Variants in CACNA1C observed in about 807,000 individuals in gnomAD.
CACNA1C encodes calcium voltage-gated channel subunit alpha1 C, also known as voltage-dependent L-type calcium channel subunit alpha-1C.
In CACNA1C, 30 loss-of-function variants were observed where a neutral mutation model predicts 229.0. That is an observed-to-expected ratio of 0.13 (90% CI 0.10 to 0.18). CACNA1C has a LOEUF of 0.18. Among genes scored for constraint, CACNA1C ranks in the 10% least tolerant of loss-of-function variants. The pLI is 1.00. For synonymous variants in CACNA1C, 1,114 were observed against 1,132.5 expected (o/e 0.98, Z 0.33); for missense variants, 1,658 against 2,845.0 (o/e 0.58, Z 9.49).
intron 3 of CACNA1C, among the ~76,000 whole-genome samples, chr12:2,162,414 A>C (rs539109216): frequency 3.9e-5 from 6 of 151,932 alleles, no homozygotes; most frequent in Admixed American, 6.6e-5. Context: ...CTGAGGGTAC[A>C]AGAGAAAGTT....
rs116299849 is a variant in CACNA1C, at chr12:2,327,324, C to G, written c.478-121652C>G. Among the ~76,000 whole-genome samples, 940 of 152,308 alleles carry G rather than the reference C, an allele frequency of 6.2e-3. 14 individuals are homozygous for G. Among genetic ancestry groups the G allele is most frequent in the African/African-American group, 0.02 (840 of 41,570 alleles). On this transcript the variant is annotated intron_variant, in intron 3 of 46. Transcript: ENST00000399655. ...ACGTATACTTCCTTTGCAGATCTTACGAAATGAAACACACTGCCAGGCATC... is the reference window on the plus strand; with the variant it reads ...ACGTATACTTCCTTTGCAGATCTTAGGAAATGAAACACACTGCCAGGCATC...
chr12:2,265,626 G>A (rs747641001), intron 3 of CACNA1C, among the ~76,000 whole-genome samples: 1 of 152,240 alleles, frequency 6.6e-6, no homozygotes, highest in Non-Finnish European at 1.5e-5. Context: ...GCAGGGTGAC[G>A]CTGTGCAGTG....
At chr12:2,214,841 C>A (rs1239246390) in intron 3 of CACNA1C, among the ~76,000 whole-genome samples, 5 of 151,348 alleles carry the variant, frequency 3.3e-5, no homozygotes, top group African/African-American at 1.2e-4. Flanking sequence ...GTTCCTTTGA[C>A]CCCATCCCTT....
rs1403920764 is a variant in CACNA1C at position 2,346,180 on chromosome 12, C to T, written c.478-102796C>T. The stretch of plus-strand genomic sequence containing the variant: ...TGGCTTGGTTGTCTGTGGGTGGAGC[C>T]GAGGAAGGCAGAGGTGTGCGTGTGT... On this transcript the variant is annotated intron_variant, in intron 3 of 46. Transcript: ENST00000399655. The surrounding 1 kb of genome is among the most constrained non-coding windows in gnomAD (Gnocchi z 4.4). Among the ~76,000 whole-genome samples, 1 of 151,822 alleles carries T rather than the reference C, an allele frequency of 6.6e-6. No individual in the cohort carries two copies. The highest frequency in any genetic ancestry group is 1.5e-5 in the Non-Finnish European group (1 of 67,952).
At chr12:2,621,240 G>C (rs2083075857) in intron 29 of CACNA1C, among the ~76,000 whole-genome samples, 1 of 152,134 alleles carries the variant, frequency 6.6e-6, no homozygotes, top group South Asian at 2.1e-4. Flanking sequence ...TGGGGTAAGG[G>C]CTGGGGTGGG....
Position 2,366,733 on chromosome 12 carries a change from G to A in CACNA1C, c.478-82243G>A, listed in dbSNP as rs552855149. ...CTCACACTGTTATAAAGAACTACCT[G>A]AGACTTAGTAATTTATGAAGAAAAG... On this transcript the variant is annotated intron_variant, in intron 3 of 46. Coordinates refer to ENST00000399655, the MANE Select transcript of CACNA1C (RefSeq NM_000719.7). 2.0e-5 allele frequency among the ~76,000 whole-genome samples: 3 copies of A among 152,290 alleles called. No individual in the cohort carries two copies. In the East Asian group the frequency reaches 5.8e-4, roughly 29 times the overall value.
At chr12:2,394,123 A>C (rs1156520641) in intron 3 of CACNA1C, among the ~76,000 whole-genome samples, 1 of 151,720 alleles carries the variant, frequency 6.6e-6, no homozygotes, top group Non-Finnish European at 1.5e-5. Flanking sequence ...AAAAAAAAAA[A>C]AAGGAAAAGG....
At position 2,088,948 on chromosome 12, in the gene CACNA1C, G is replaced by A. The variant is rs570800570; in HGVS notation, c.50-26276G>A. On this transcript the variant is annotated intron_variant, in intron 1 of 46. Transcript: ENST00000399655. ...CCGTTGATATTCTTAAATGAATCACGTTGTTAAATGCGGAGGGAGGGCTGT... is the reference window on the plus strand; with the variant it reads ...CCGTTGATATTCTTAAATGAATCACATTGTTAAATGCGGAGGGAGGGCTGT... 2.6e-4 allele frequency among the ~76,000 whole-genome samples: 40 copies of A among 152,268 alleles called. No homozygotes were observed. In the South Asian group the frequency reaches 7.5e-3, roughly 28 times the overall value.
At chr12:2,640,296 C>T (rs2093506308) in intron 30 of CACNA1C, among the ~76,000 whole-genome samples, 1 of 152,234 alleles carries the variant, frequency 6.6e-6, no homozygotes, top group Non-Finnish European at 1.5e-5. Context: ...AATCCCTGGG[C>T]CAGGCTGGCC....
chr12:2,512,320 C>T lies in CACNA1C; in HGVS notation c.1218-492C>T, dbSNP rs901762647. On this transcript the variant is annotated intron_variant, in intron 8 of 46. Transcript: ENST00000399655. This position sits in a 1 kb window ranked among gnomAD's most constrained non-coding sequence, Gnocchi z 4.3. ...AATGATTGGCTCTCAGGACCTGGGG[C>T]GAGTGAGTGGGCTTTGGTACACTGC... Among the ~76,000 whole-genome samples, 6 of 151,994 alleles carry T rather than the reference C, an allele frequency of 3.9e-5. No homozygotes were observed. Among genetic ancestry groups the T allele is most frequent in the African/African-American group, 1.2e-4 (5 of 41,356 alleles).
intron 3 of CACNA1C, among the ~76,000 whole-genome samples, chr12:2,258,189 C>G (rs150022355): frequency 2.0e-5 from 3 of 152,218 alleles, no homozygotes; most frequent in Non-Finnish European, 2.9e-5. Flanking sequence ...TTGCCAGAAG[C>G]TTTCACACAC....
chr12:2,137,159 C>T (rs970081462), intron 3 of CACNA1C, among the ~76,000 whole-genome samples: 5 of 151,288 alleles, frequency 3.3e-5, no homozygotes, highest in African/African-American at 4.8e-5. Context: ...GTGGAAACAT[C>T]GAAGAGCTAC....
chr12:2,346,021 G>T lies in CACNA1C; in HGVS notation c.478-102955G>T, dbSNP rs553617665. On this transcript the variant is annotated intron_variant, in intron 3 of 46. Transcript: ENST00000399655. This position sits in a 1 kb window ranked among gnomAD's most constrained non-coding sequence, Gnocchi z 4.4. ...CTTGGTCTGTGAAGGAACGTGGGCC[G>T]TATGGCAGTGATGGGAGGAGGCTGA... Among the ~76,000 whole-genome samples the T allele has an allele frequency of 1.3e-4, 20 of 152,282 alleles. No homozygotes were observed. The highest frequency in any genetic ancestry group is 4.8e-4 in the African/African-American group (20 of 41,560).
intron 3 of CACNA1C, among the ~76,000 whole-genome samples, chr12:2,337,035 A>G (rs774040607): frequency 2.6e-5 from 4 of 152,198 alleles, no homozygotes; most frequent in Admixed American, 2.0e-4. Flanking sequence ...CAAACAACCA[A>G]TGCATATGGG....
At chr12:2,583,112 C>T (rs903304860) in intron 15 of CACNA1C, among the ~76,000 whole-genome samples, 170 bp downstream of exon 15, 5 of 152,208 alleles carry the variant, frequency 3.3e-5, no homozygotes, top group Non-Finnish European at 5.9e-5. Context: ...GCAGCTTTGG[C>T]ATGGGTGAGG....
At chr12:2,037,992 G>A (rs2470422) in intron 1 of CACNA1C, among the ~76,000 whole-genome samples, 33,975 of 151,814 alleles carry the variant, frequency 0.22, 4,597 homozygotes, top group African/African-American at 0.38. Flanking sequence ...GCTTCTCTTC[G>A]GGACCACCGA....
chr12:2,399,104 G>A (rs901910864), intron 3 of CACNA1C, among the ~76,000 whole-genome samples: 4 of 152,170 alleles, frequency 2.6e-5, no homozygotes, highest in African/African-American at 9.7e-5. Flanking sequence ...TTGTGGGAAG[G>A]GGAGCATGCA....
At chr12:2,681,867 A>AG (rs1049902929) in intron 42 of CACNA1C, 10 of 805,656 alleles carry the variant, frequency 1.2e-5, no homozygotes, top group Non-Finnish European at 2.2e-5. Context: ...AGCAAGACAA[A>AG]GGGAGGCACT....
At chr12:1,993,233 A>T (rs755765614) in intron 1 of CACNA1C, 15 of 1,613,960 alleles carry the variant, frequency 9.3e-6, no homozygotes, top group Non-Finnish European at 1.2e-5. Context: ...CTTCAGAAGT[A>T]AAACAACCCA....
Sources: gnomAD v4.1 joint callset for allele counts (sites outside exome capture counted in the v4.1 genomes callset) on GRCh38, gnomAD v4.1.1 for gene constraint, Gnocchi (gnomAD v3.1) non-coding constraint, MANE v1.5 for transcripts, NCBI Gene and HGNC (gene_info 2026-07-23, HGNC 2026-07-21) for gene names.